THRB: variants seen among roughly 807,000 people sequenced by gnomAD.
The protein encoded by THRB is thyroid hormone receptor beta.
THRB carries 12 observed loss-of-function variants against 47.8 expected under a neutral mutation model. The ratio of observed to expected loss-of-function variants is 0.25; its 90% CI spans 0.16 to 0.41. THRB has a LOEUF of 0.41. Among genes scored for constraint, THRB ranks in the 10% least tolerant of loss-of-function variants. The probability of loss-of-function intolerance (pLI) is 1.00; values close to 1 mark genes in which losing one functional copy is unlikely to be tolerated. For missense variants in THRB, 348 were observed against 589.2 expected (o/e 0.59, Z 4.24); for synonymous variants, 218 against 212.2 (o/e 1.03, Z -0.24).
intron 1 of THRB, among the ~76,000 whole-genome samples, chr3:24,411,811 G>T (rs780913990): frequency 2.0e-5 from 3 of 151,678 alleles, no homozygotes; most frequent in Admixed American, 2.0e-4. Context: ...ATACAACAGA[G>T]AATTATTTAA....
intron 6 of THRB, among the ~76,000 whole-genome samples, chr3:24,151,085 A>T (rs1277693851): frequency 2.0e-5 from 3 of 152,192 alleles, no homozygotes; most frequent in African/African-American, 7.2e-5. Context: ...GTCTTTGTTA[A>T]AGGACTACGA....
At chr3:24,442,272 A>G (rs981815446) in intron 1 of THRB, among the ~76,000 whole-genome samples, 1 of 152,234 alleles carries the variant, frequency 6.6e-6, no homozygotes, top group Non-Finnish European at 1.5e-5. Context: ...CAGGCAAGGC[A>G]CTGATCTCAG....
At chr3:24,470,652 C>T (rs779416783) in intron 1 of THRB, among the ~76,000 whole-genome samples, 1 of 152,122 alleles carries the variant, frequency 6.6e-6, no homozygotes, top group Non-Finnish European at 1.5e-5. Flanking sequence ...AGTGTCACTT[C>T]TTCTCCCAGG....
At chr3:24,401,574 C>T (rs776472041) in intron 1 of THRB, among the ~76,000 whole-genome samples, 176 of 152,144 alleles carry the variant, frequency 1.2e-3, no homozygotes, top group African/African-American at 1.5e-3. Flanking sequence ...ACTGCTTCCA[C>T]GTCTATCAAT....
intron 1 of THRB, among the ~76,000 whole-genome samples, chr3:24,486,148 C>A (rs535701714): frequency 3.0e-4 from 46 of 152,138 alleles, no homozygotes; most frequent in Non-Finnish European, 6.0e-4. Context: ...CTATTGGCAT[C>A]TAGTGGGTAG....
At chr3:24,458,903 T>C (rs1471557450) in intron 1 of THRB, 1 of 151,552 alleles carries the variant, frequency 6.6e-6, no homozygotes, top group African/African-American at 2.4e-5. Context: ...CAAGGTTCAG[T>C]TTTTTCCTCT....
chr3:24,158,842 C>CTT (rs933226138), intron 5 of THRB, among the ~76,000 whole-genome samples: 11 of 30,108 alleles, frequency 3.7e-4, no homozygotes, highest in Admixed American at 1.9e-3. Context: ...ACAGCTCTTC[C>CTT]TCTCTCTCTC....
chr3:24,235,861 T>C (rs1214868941), intron 3 of THRB, among the ~76,000 whole-genome samples: 1 of 152,188 alleles, frequency 6.6e-6, no homozygotes, highest in Non-Finnish European at 1.5e-5. Context: ...GGGATGTGTC[T>C]TGAAGTTGTG....
chr3:24,460,762 G>A (rs2073623709), intron 1 of THRB, among the ~76,000 whole-genome samples: 1 of 152,110 alleles, frequency 6.6e-6, no homozygotes, highest in Non-Finnish European at 1.5e-5. Context: ...AGTGCTTCCA[G>A]GAATCTTAGT....
Position 24,293,835 on chromosome 3 carries a change from C to A in THRB, c.-43+3391G>T, listed in dbSNP as rs572200074. Among the ~76,000 whole-genome samples the A allele has an allele frequency of 3.3e-4, 50 of 152,304 alleles. 1 individual carries two copies. The highest frequency in any genetic ancestry group is 1.2e-3 in the African/African-American group (48 of 41,568). On this transcript the variant is annotated intron_variant, in intron 3 of 10. Transcript: ENST00000646209. ...CAGCATCAAGTTTAGTTTAGACTCA[C>A]TGTTAATTACCCACCCTACTCAGAC... is the stretch of plus-strand genomic sequence containing the variant.
chr3:24,341,046 A>G (rs1466862038), intron 1 of THRB, among the ~76,000 whole-genome samples: 1 of 151,494 alleles, frequency 6.6e-6, no homozygotes. Flanking sequence ...TTTTATTGAC[A>G]AGCCATCACA....
chr3:24,359,692 T>A lies in THRB; in HGVS notation c.-260-22321A>T, dbSNP rs185256388. Among the ~76,000 whole-genome samples the A allele has an allele frequency of 2.9e-4, 44 of 152,298 alleles. No homozygotes were observed. In the South Asian group the frequency reaches 7.0e-3, roughly 24 times the overall value. On this transcript the variant is annotated intron_variant, in intron 1 of 10. Transcript: ENST00000646209. ...CTGTCACTGGAAACATTGCCATGATTCAAAACTATAAGTATTTTATTTTTA... is the reference window on the plus strand; with the variant it reads ...CTGTCACTGGAAACATTGCCATGATACAAAACTATAAGTATTTTATTTTTA...
chr3:24,253,161 A>G (rs2050837232), intron 3 of THRB, among the ~76,000 whole-genome samples: 1 of 152,236 alleles, frequency 6.6e-6, no homozygotes, highest in Admixed American at 6.5e-5. Context: ...GAAATGCAAT[A>G]ACATAATAGA....
rs770619537 is a variant in THRB, at chr3:24,494,647, C to G, written c.-261+5G>C. 1.0e-4 allele frequency: 15 copies of G among 150,520 alleles called. No individual in the cohort carries two copies. The highest frequency in any genetic ancestry group is 1.8e-4 in the Non-Finnish European group (12 of 67,624). 9.3% of individuals were successfully genotyped at this position (150,520 alleles called of 1,614,324 possible). ...GTTGGAACTGTCGCCCCCTCCTCCTCTCACCCCGCTGCCTCCGCGCGGTCC... is the reference window on the plus strand; with the variant it reads ...GTTGGAACTGTCGCCCCCTCCTCCTGTCACCCCGCTGCCTCCGCGCGGTCC... On this transcript the variant is annotated splice_donor_5th_base_variant and intron_variant, in intron 1 of 10. Coordinates refer to ENST00000646209, the MANE Select transcript of THRB (RefSeq NM_001354712.2).
intron 3 of THRB, among the ~76,000 whole-genome samples, chr3:24,251,199 A>G (rs4858112): frequency 0.022 from 3,406 of 152,228 alleles, 123 homozygotes; most frequent in African/African-American, 0.077. Flanking sequence ...GAGACCCTCA[A>G]TGCTGTACTT....
intron 4 of THRB, among the ~76,000 whole-genome samples, chr3:24,195,643 C>A (rs2043861665): frequency 6.6e-6 from 1 of 152,166 alleles, no homozygotes; most frequent in South Asian, 2.1e-4. Context: ...AATCTTCAGG[C>A]CTTACAGTGG....
At chr3:24,338,673 C>T (rs73823299) in intron 1 of THRB, among the ~76,000 whole-genome samples, 3,250 of 152,348 alleles carry the variant, frequency 0.021, 137 homozygotes, top group African/African-American at 0.075. Context: ...CTGCTCTTGA[C>T]TCTGGGCTTC....
chr3:24,442,019 G>C (rs573757605), intron 1 of THRB, among the ~76,000 whole-genome samples: 3 of 152,226 alleles, frequency 2.0e-5, no homozygotes, highest in Admixed American at 2.0e-4. Context: ...CAGATTAACT[G>C]TAACTTTGTG....
At chr3:24,434,006 A>C (rs734866) in intron 1 of THRB, among the ~76,000 whole-genome samples, 33,801 of 140,414 alleles carry the variant, frequency 0.24, 4,303 homozygotes, top group African/African-American at 0.35. Context: ...TAGTCCAATA[A>C]ATGCTTTCTA....
Sources: gnomAD v4.1 joint callset for allele counts (sites outside exome capture counted in the v4.1 genomes callset) on GRCh38, gnomAD v4.1.1 for gene constraint, MANE v1.5 for transcripts, NCBI Gene and HGNC (gene_info 2026-07-23, HGNC 2026-07-21) for gene names.